KIAA1958: variants seen among roughly 807,000 people sequenced by gnomAD.
The protein encoded by KIAA1958 is uncharacterized protein KIAA1958.
In KIAA1958, 14 loss-of-function variants were observed where a neutral mutation model predicts 47.2. The observed-to-expected ratio is 0.30, with a 90% confidence interval of 0.20 to 0.46. The LOEUF (loss-of-function observed/expected upper bound fraction) is 0.46, where lower values mean the gene tolerates loss of function less well. Ranked by LOEUF, KIAA1958 falls within the 20% of genes least tolerant of loss-of-function variation. The pLI is 1.00. For missense variants in KIAA1958, 803 were observed against 909.2 expected (o/e 0.88, Z 1.50); for synonymous variants, 354 against 353.3 (o/e 1.00, Z -0.02).
intron 2 of KIAA1958, among the ~76,000 whole-genome samples, chr9:112,598,032 A>G (rs1218518241): frequency 6.6e-6 from 1 of 152,218 alleles, no homozygotes; most frequent in Non-Finnish European, 1.5e-5. Flanking sequence ...AGTCATAGAA[A>G]TAGATAATTA....
At chr9:112,519,959 A>T (rs989222956) in intron 1 of KIAA1958, among the ~76,000 whole-genome samples, 2 of 152,206 alleles carry the variant, frequency 1.3e-5, no homozygotes, top group Non-Finnish European at 2.9e-5. Context: ...ACAATATTGC[A>T]GGAAGTGGAC....
chr9:112,601,639 A>G (rs1475132787), intron 2 of KIAA1958, among the ~76,000 whole-genome samples: 3 of 152,320 alleles, frequency 2.0e-5, no homozygotes, highest in Admixed American at 2.0e-4. Context: ...TGCCTGATTT[A>G]ATGAATATAT....
rs377564460 is a variant in KIAA1958, at chr9:112,660,368, T to C, written c.*299T>C. The C allele has an allele frequency of 1.4e-5, 5 of 355,098 alleles. No individual in the cohort carries two copies. The highest frequency in any genetic ancestry group is 8.4e-5 in the Admixed American group (2 of 23,824). 22.0% of individuals were successfully genotyped at this position (355,098 alleles called of 1,614,324 possible). Reference sequence around the variant, plus strand: ...GGAAATTCATTTTCTCTAGTGCCTTTCTAGCACAGGTTTTCTCAAAACAAA... The same window carrying C: ...GGAAATTCATTTTCTCTAGTGCCTTCCTAGCACAGGTTTTCTCAAAACAAA... On this transcript the variant is annotated 3_prime_UTR_variant, in exon 4 of 4. Transcript: ENST00000337530.
chr9:112,660,482 T>C lies in KIAA1958; in HGVS notation c.*413T>C, dbSNP rs574937745. On this transcript the variant is annotated 3_prime_UTR_variant, in exon 4 of 4. Coordinates refer to ENST00000337530, the MANE Select transcript of KIAA1958 (RefSeq NM_133465.4). Reference sequence around the variant, plus strand: ...TAGAACGTTAGGAAGACTGTACACTTTGTTGAATTACACTCACAATTAGAA... The same window carrying C: ...TAGAACGTTAGGAAGACTGTACACTCTGTTGAATTACACTCACAATTAGAA... 9.2e-4 allele frequency: 158 copies of C among 172,202 alleles called. No individual in the cohort carries two copies. The highest frequency in any genetic ancestry group is 1.6e-3 in the Non-Finnish European group (128 of 78,868). The allele number at this position is 172,202 out of a possible 1,614,324, so 10.7% of individuals were successfully genotyped here. A position where few individuals can be genotyped will look rare whatever the true frequency, so the allele number is the denominator to read the frequency against.
At chr9:112,516,376 A>G (rs1834435395) in intron 1 of KIAA1958, among the ~76,000 whole-genome samples, 1 of 152,154 alleles carries the variant, frequency 6.6e-6, no homozygotes. Context: ...AAAAACATTA[A>G]CTATTTAGCG....
intron 1 of KIAA1958, among the ~76,000 whole-genome samples, chr9:112,561,477 C>T (rs1210092821): frequency 1.3e-5 from 2 of 152,212 alleles, no homozygotes; most frequent in Admixed American, 1.3e-4. Flanking sequence ...TTATTAATGG[C>T]AGTATCCCCA....
chr9:112,660,181 C>G lies in KIAA1958; in HGVS notation c.*112C>G, dbSNP rs1588058001. ...GACCAGGTGTGACCTCCCGGTCTGG[C>G]GGCTCTCCCCTGGTGTGGCCTGCCC... is the stretch of plus-strand genomic sequence containing the variant. On this transcript the variant is annotated 3_prime_UTR_variant, in exon 4 of 4. Transcript: ENST00000337530. 2.3e-6 allele frequency: 2 copies of G among 866,156 alleles called. No individual in the cohort carries two copies. Among genetic ancestry groups the G allele is most frequent in the Non-Finnish European group, 3.6e-6 (2 of 558,102 alleles). The allele number at this position is 866,156 out of a possible 1,614,324, so 53.7% of individuals were successfully genotyped here. A position where few individuals can be genotyped will look rare whatever the true frequency, so the allele number is the denominator to read the frequency against.
At chr9:112,607,534 A>C (rs1836255536) in intron 2 of KIAA1958, among the ~76,000 whole-genome samples, 1 of 152,064 alleles carries the variant, frequency 6.6e-6, no homozygotes, top group Non-Finnish European at 1.5e-5. Flanking sequence ...CATAGGAGGC[A>C]GAGCTGAGTA....
At chr9:112,614,242 G>A (rs1303560017) in intron 2 of KIAA1958, among the ~76,000 whole-genome samples, 1 of 152,050 alleles carries the variant, frequency 6.6e-6, no homozygotes, top group Non-Finnish European at 1.5e-5. Flanking sequence ...TCAGGAGAGC[G>A]GGTTTTCTTG....
intron 2 of KIAA1958, among the ~76,000 whole-genome samples, chr9:112,641,982 G>C (rs1007615671): frequency 1.3e-5 from 2 of 152,214 alleles, no homozygotes; most frequent in African/African-American, 4.8e-5. Flanking sequence ...AGGGGGACGA[G>C]TAGGGAACAT....
intron 1 of KIAA1958, among the ~76,000 whole-genome samples, chr9:112,516,619 T>C (rs1834439924): frequency 6.6e-6 from 1 of 152,204 alleles, no homozygotes; most frequent in Admixed American, 6.5e-5. Context: ...AAAGCTCTTA[T>C]AGAAATGCTA....
In KIAA1958 at chr9:112,666,081, C is replaced by T. The variant is rs1274963187; in HGVS notation, c.*6012C>T. The T allele has an allele frequency of 6.6e-6, 1 of 151,844 alleles. No homozygotes were observed. Among genetic ancestry groups the T allele is most frequent in the Non-Finnish European group, 1.5e-5 (1 of 67,992 alleles). 9.4% of individuals were successfully genotyped at this position (151,844 alleles called of 1,614,324 possible). ...CTGCCTCCTGGGTTCAAGCCATCCT[C>T]CTGCCTCAGTCTCCCAAGTAGCTGG... On this transcript the variant is annotated 3_prime_UTR_variant, in exon 4 of 4. Transcript: ENST00000337530.
intron 1 of KIAA1958, among the ~76,000 whole-genome samples, chr9:112,520,083 T>C (rs532219100): frequency 1.2e-4 from 18 of 152,332 alleles, no homozygotes; most frequent in African/African-American, 2.4e-5. Flanking sequence ...AGCAGTTCTT[T>C]GTCATTTTAC....
At chr9:112,656,303 G>T (rs1837149518) in intron 3 of KIAA1958, among the ~76,000 whole-genome samples, 1 of 143,162 alleles carries the variant, frequency 7.0e-6, no homozygotes. Context: ...GAACCCAGGA[G>T]TTGAGGCTGC....
chr9:112,666,257 G>GT lies in KIAA1958; in HGVS notation c.*6192dup, dbSNP rs1564208298. ...AGTGGAAAAATATACTTATTTACTC[G>GT]TTTTCTGTTCTTTTTTCCTTTATCG... On this transcript the variant is annotated 3_prime_UTR_variant, in exon 4 of 4. Coordinates refer to ENST00000337530, the MANE Select transcript of KIAA1958 (RefSeq NM_133465.4). 1.3e-5 allele frequency: 2 copies of GT among 151,930 alleles called. No individual in the cohort carries two copies. Among genetic ancestry groups the GT allele is most frequent in the African/African-American group, 4.8e-5 (2 of 41,384 alleles). The allele number at this position is 151,930 out of a possible 1,614,324, so 9.4% of individuals were successfully genotyped here.
Position 112,663,685 on chromosome 9 carries a change from T to G in KIAA1958, c.*3616T>G, listed in dbSNP as rs536953253. 5.3e-5 allele frequency: 8 copies of G among 152,288 alleles called. No individual in the cohort carries two copies. Among genetic ancestry groups the G allele is most frequent in the Non-Finnish European group, 7.4e-5 (5 of 68,008 alleles). The allele number at this position is 152,288 out of a possible 1,614,324, so 9.4% of individuals were successfully genotyped here. ...GTTTAGTGTGTTTGCAAAAAGGAAT[T>G]TTATGGAAGTACCTAACCAAAGCTG... On this transcript the variant is annotated 3_prime_UTR_variant, in exon 4 of 4. Coordinates refer to ENST00000337530, the MANE Select transcript of KIAA1958 (RefSeq NM_133465.4).
chr9:112,600,112 T>G (rs1035931610), intron 2 of KIAA1958, among the ~76,000 whole-genome samples: 7 of 152,244 alleles, frequency 4.6e-5, no homozygotes, highest in Non-Finnish European at 1.5e-5. Flanking sequence ...CAATATTTAT[T>G]CTCTTGTTCT....
intron 1 of KIAA1958, among the ~76,000 whole-genome samples, chr9:112,565,466 C>T (rs144271348): frequency 2.0e-5 from 3 of 152,326 alleles, no homozygotes; most frequent in Admixed American, 6.5e-5. Flanking sequence ...CCAATCATTG[C>T]CCATGTCAGA....
Position 112,659,836 on chromosome 9 carries a change from C to T in KIAA1958, c.1918C>T (p.His640Tyr), listed in dbSNP as rs1837241998. ...CCTCCTCTACAAGTACATGTACATC[C>T]ACCGGCCGCCCACCCAAATGGAGGC... ...YCLLYKYMYI[H>Y]RPPTQMEAKS... The change falls in exon 4 of 4, where the codon CAC becomes TAC. Residue 640 changes from histidine (H) to tyrosine (Y), a missense_variant. Physicochemically the swap from His to Tyr is moderately conservative, Grantham distance 83 (BLOSUM62 2). Around this residue, in one of 2 missense-constraint regions of KIAA1958, gnomAD observed 761 missense variants for 829.3 expected, o/e 0.92. Transcript: ENST00000337530. 2 of 1,614,170 alleles carry T rather than the reference C, an allele frequency of 1.2e-6. No individual in the cohort carries two copies. Among genetic ancestry groups the T allele is most frequent in the African/African-American group, 1.3e-5 (1 of 75,038 alleles).
Sources: gnomAD v4.1 joint callset for allele counts (sites outside exome capture counted in the v4.1 genomes callset) on GRCh38, gnomAD v4.1.1 for gene constraint, gnomAD v4.1.1 regional missense constraint, MANE v1.5 for transcripts, NCBI Gene and HGNC (gene_info 2026-07-23, HGNC 2026-07-21) for gene names.